The following SPPL3 variants were observed in gnomAD, a reference collection of about 807,000 sequenced individuals.
The protein encoded by SPPL3 is signal peptide peptidase-like 3.
SPPL3 carries 5 observed loss-of-function variants against 42.4 expected under a neutral mutation model. The ratio of observed to expected loss-of-function variants is 0.12; its 90% CI spans 0.06 to 0.25. The LOEUF is 0.25. Ranked by LOEUF, SPPL3 falls within the 10% of genes least tolerant of loss-of-function variation. The pLI is 1.00. For missense variants in SPPL3, 235 were observed against 489.0 expected (o/e 0.48, Z 4.90); for synonymous variants, 195 against 181.8 (o/e 1.07, Z -0.58).
At chr12:120,832,112 G>T (rs774669143) in intron 1 of SPPL3, among the ~76,000 whole-genome samples, 1 of 152,092 alleles carries the variant, frequency 6.6e-6, no homozygotes, top group South Asian at 2.1e-4. Flanking sequence ...TATGTGTGGG[G>T]TACTGTGCTA....
At chr12:120,778,580 C>G (rs962330719) in intron 6 of SPPL3, among the ~76,000 whole-genome samples, 3 of 152,122 alleles carry the variant, frequency 2.0e-5, no homozygotes, top group Non-Finnish European at 2.9e-5. Flanking sequence ...ACAAACCCTG[C>G]CAACCACTGA....
intron 1 of SPPL3, among the ~76,000 whole-genome samples, chr12:120,881,800 CA>C (rs35054814): frequency 4.7e-4 from 68 of 144,274 alleles, no homozygotes; most frequent in African/African-American, 7.7e-4. Context: ...AAGCCAATAA[CA>C]AAAAAAAAAA....
chr12:120,773,140 G>A (rs548152164), intron 6 of SPPL3, among the ~76,000 whole-genome samples: 22 of 152,172 alleles, frequency 1.4e-4, no homozygotes, highest in Non-Finnish European at 3.1e-4. Context: ...ACTGAGAGAT[G>A]TACCCAGAGC....
At chr12:120,831,322 A>T (rs1344184620) in intron 1 of SPPL3, among the ~76,000 whole-genome samples, 1 of 152,012 alleles carries the variant, frequency 6.6e-6, no homozygotes, top group Non-Finnish European at 1.5e-5. Flanking sequence ...CATACACATC[A>T]TATATACCCT....
intron 1 of SPPL3, among the ~76,000 whole-genome samples, chr12:120,874,385 A>G (rs192024018): frequency 2.7e-5 from 4 of 148,762 alleles, no homozygotes; most frequent in African/African-American, 9.8e-5. Context: ...CCTGGGAGGC[A>G]GAGGTTGCAG....
At chr12:120,849,745 G>A (rs540736121) in intron 1 of SPPL3, among the ~76,000 whole-genome samples, 37 of 152,188 alleles carry the variant, frequency 2.4e-4, no homozygotes, top group Middle Eastern at 3.4e-3. Flanking sequence ...CTATTTATCC[G>A]AGACTCCTAA....
At chr12:120,832,468 T>C (rs2137018942) in intron 1 of SPPL3, among the ~76,000 whole-genome samples, 1 of 152,128 alleles carries the variant, frequency 6.6e-6, no homozygotes, top group Non-Finnish European at 1.5e-5. Context: ...GGTCGGGAGT[T>C]CAAGACCAGC....
chr12:120,895,591 C>T (rs750099726), intron 1 of SPPL3, among the ~76,000 whole-genome samples: 11 of 152,124 alleles, frequency 7.2e-5, no homozygotes, highest in Admixed American at 1.3e-4. Flanking sequence ...AAAGTTTAAG[C>T]GCTGGCTAAA....
chr12:120,894,967 A>C (rs1168692218), intron 1 of SPPL3, among the ~76,000 whole-genome samples: 1 of 124,512 alleles, frequency 8.0e-6, no homozygotes, highest in African/African-American at 2.6e-5. Context: ...ACAAACAAAC[A>C]AACAAACCTG....
At chr12:120,893,023 C>T (rs943629144) in intron 1 of SPPL3, among the ~76,000 whole-genome samples, 3 of 149,666 alleles carry the variant, frequency 2.0e-5, no homozygotes, top group African/African-American at 7.4e-5. Flanking sequence ...ATTTAGTGGA[C>T]AATATACAAA....
At chr12:120,837,603 A>C (rs1871666024) in intron 1 of SPPL3, among the ~76,000 whole-genome samples, 1 of 152,176 alleles carries the variant, frequency 6.6e-6, no homozygotes, top group African/African-American at 2.4e-5. Flanking sequence ...CCTTCCATTT[A>C]TTATCAGAAG....
At chr12:120,772,156 G>C (rs1869147535) in intron 6 of SPPL3, among the ~76,000 whole-genome samples, 1 of 152,054 alleles carries the variant, frequency 6.6e-6, no homozygotes, top group South Asian at 2.1e-4. Flanking sequence ...CGAGTAGCCG[G>C]GATTACAGGC....
intron 1 of SPPL3, among the ~76,000 whole-genome samples, chr12:120,859,094 T>C (rs1378290933): frequency 5.9e-5 from 9 of 151,430 alleles, no homozygotes; most frequent in African/African-American, 1.9e-4. Flanking sequence ...TTTTTTTCTA[T>C]AAAGAAAACA....
intron 1 of SPPL3, among the ~76,000 whole-genome samples, chr12:120,853,779 G>C (rs907507723): frequency 1.3e-5 from 2 of 152,062 alleles, no homozygotes; most frequent in Non-Finnish European, 2.9e-5. Context: ...AGGCAATACA[G>C]ATGCTACTAC....
intron 1 of SPPL3, among the ~76,000 whole-genome samples, chr12:120,833,667 C>CA (rs139441042): frequency 0.25 from 23,500 of 95,068 alleles, 4,289 homozygotes; most frequent in Non-Finnish European, 0.31. Flanking sequence ...TCCATCTCTC[C>CA]AAAAAAAAAA....
intron 1 of SPPL3, among the ~76,000 whole-genome samples, chr12:120,899,510 T>C (rs1873908072): frequency 6.6e-6 from 1 of 152,042 alleles, no homozygotes; most frequent in Non-Finnish European, 1.5e-5. Flanking sequence ...CATATGGTCC[T>C]TACTCTCAAG....
intron 5 of SPPL3, 28 bp downstream of exon 5, chr12:120,783,646 A>AT: frequency 6.4e-7 from 1 of 1,563,790 alleles, no homozygotes; most frequent in Non-Finnish European, 8.7e-7. Context: ...CAAGTTTATA[A>AT]TTTAAGAGGA....
chr12:120,889,381 T>C (rs1873562284), intron 1 of SPPL3, among the ~76,000 whole-genome samples: 2 of 152,232 alleles, frequency 1.3e-5, no homozygotes, highest in Non-Finnish European at 2.9e-5. Context: ...GGGCGTAAGA[T>C]TTATTTTTGT....
Position 120,769,461 on chromosome 12 carries a change from G to A in SPPL3, c.503-402C>T, listed in dbSNP as rs574654291. On this transcript the variant is annotated intron_variant, in intron 6 of 10. Coordinates refer to ENST00000353487, the MANE Select transcript of SPPL3 (RefSeq NM_139015.5). ...ATCATCCCAGCAATTCATTAACTGC[G>A]TTATAGAAAACTAGAGAATACAGTA... The A allele has an allele frequency of 3.9e-4, 64 of 166,228 alleles. 2 individuals carry two copies. Among genetic ancestry groups the A allele is most frequent in the South Asian group, 1.2e-3 (8 of 6,446 alleles). 10.3% of individuals were successfully genotyped at this position (166,228 alleles called of 1,614,324 possible). A position where few individuals can be genotyped will look rare whatever the true frequency, so the allele number is the denominator to read the frequency against.
Sources: allele counts gnomAD v4.1 joint callset (sites outside exome capture counted in the v4.1 genomes callset), GRCh38; gene constraint gnomAD v4.1.1; transcripts MANE v1.5; gene names NCBI Gene and HGNC (gene_info 2026-07-23, HGNC 2026-07-21).